SHISAL1: variants seen among roughly 807,000 people sequenced by gnomAD.
SHISAL1 encodes the protein protein shisa-like-1.
Under a neutral mutation model 22.6 loss-of-function variants are expected in SHISAL1, and 9 were observed. The ratio of observed to expected loss-of-function variants is 0.40; its 90% CI spans 0.24 to 0.70. The LOEUF (loss-of-function observed/expected upper bound fraction) is 0.70. Among genes scored for constraint, SHISAL1 ranks in the 30% least tolerant of loss-of-function variants. SHISAL1 has a pLI of 0.39. For synonymous variants in SHISAL1, 119 were observed against 115.4 expected, an observed-to-expected ratio of 1.03 and a Z score of -0.20; for missense variants, 246 against 270.6, an observed-to-expected ratio of 0.91 and a Z score of 0.64.
chr22:44,287,349 C>T lies in SHISAL1; in HGVS notation c.282-1604G>A, dbSNP rs546968865. On this transcript the variant is annotated intron_variant, in intron 3 of 4. Transcript: ENST00000381176. ...AGGGCCGGGGAAGCTCGCTTTCGCTCTCTGCCTAGAATGCCTTCCCTCCTC... is the reference window on the plus strand; with the variant it reads ...AGGGCCGGGGAAGCTCGCTTTCGCTTTCTGCCTAGAATGCCTTCCCTCCTC... Among the ~76,000 whole-genome samples the T allele has an allele frequency of 1.5e-4, 23 of 152,348 alleles. No individual in the cohort carries two copies. In the South Asian group the frequency reaches 4.8e-3, roughly 32 times the overall value.
chr22:44,325,388 G>A, the SHISAL1 span, among the ~76,000 whole-genome samples: 1 of 152,136 alleles, frequency 6.6e-6, no homozygotes, highest in South Asian at 2.1e-4. Flanking sequence ...CGCAGAGACC[G>A]AGGCTCAGAG....
At chr22:44,301,048 G>A (rs923630293) in intron 1 of SHISAL1, 71 bp from the exon 2 acceptor site, 5 of 1,089,442 alleles carry the variant, frequency 4.6e-6, no homozygotes, top group Admixed American at 1.9e-5. Context: ...TGCCCACAGC[G>A]GGGGACGGGC....
At chr22:44,278,944 G>A (rs768643506) in intron 4 of SHISAL1, among the ~76,000 whole-genome samples, 51 of 152,120 alleles carry the variant, frequency 3.4e-4, no homozygotes, top group Admixed American at 9.2e-4. Flanking sequence ...GTGTACCCTC[G>A]GGACCTCTCA....
chr22:44,325,938 C>G, the SHISAL1 span, among the ~76,000 whole-genome samples: 4 of 152,038 alleles, frequency 2.6e-5, no homozygotes, highest in Admixed American at 2.6e-4. Flanking sequence ...CCAGGAAGCC[C>G]TCCCTGACCC....
rs139031756 is a variant in SHISAL1 at position 44,253,077 on chromosome 22, T to C, written c.*-3392A>G. On this transcript the variant is annotated intron_variant, in intron 4 of 4. Coordinates refer to ENST00000381176, the MANE Select transcript of SHISAL1 (RefSeq NM_001099294.2). ...AGGGATGATGGTGATGGTTGCACTA[T>C]AGTGAGAAGTACTTAATACCCCTGA... Among the ~76,000 whole-genome samples, 1,500 of 152,096 alleles carry C rather than the reference T, an allele frequency of 9.9e-3. 23 individuals carry two copies. The highest frequency in any genetic ancestry group is 0.034 in the African/African-American group (1,408 of 41,416).
chr22:44,255,189 TA>T (rs2055076111), intron 4 of SHISAL1, among the ~76,000 whole-genome samples: 1 of 152,068 alleles, frequency 6.6e-6, no homozygotes, highest in Non-Finnish European at 1.5e-5. Flanking sequence ...GATATATATA[TA>T]TTTTTTTTGA....
At chr22:44,330,347 T>G in the SHISAL1 span, among the ~76,000 whole-genome samples, 4 of 152,048 alleles carry the variant, frequency 2.6e-5, no homozygotes, top group Admixed American at 1.3e-4. Flanking sequence ...CCCCAGAGAG[T>G]CCCTGTGTGG....
intron 4 of SHISAL1, among the ~76,000 whole-genome samples, chr22:44,276,046 A>G (rs1423934954): frequency 1.3e-5 from 2 of 152,224 alleles, no homozygotes; most frequent in Non-Finnish European, 2.9e-5. Context: ...CGCGTTTTCC[A>G]TCCAGTGGAG....
upstream of SHISAL1, among the ~76,000 whole-genome samples, chr22:44,317,431 G>C (rs367630854): frequency 1.3e-5 from 2 of 152,302 alleles, no homozygotes; most frequent in Admixed American, 6.5e-5. Context: ...AGTGGCTCTC[G>C]GCTGCCTTCT....
chr22:44,312,240 G>A (rs1444407632), intron 1 of SHISAL1, among the ~76,000 whole-genome samples: 11 of 152,068 alleles, frequency 7.2e-5, no homozygotes, highest in Non-Finnish European at 1.5e-4. Flanking sequence ...CACTTATTTC[G>A]TACCGGTGTG....
chr22:44,290,180 C>T (rs2055343225), intron 3 of SHISAL1, among the ~76,000 whole-genome samples: 1 of 152,354 alleles, frequency 6.6e-6, no homozygotes, highest in Admixed American at 6.5e-5. Context: ...CAGAACGAAA[C>T]ATCAGCTCAG....
intron 2 of SHISAL1, among the ~76,000 whole-genome samples, chr22:44,297,431 G>C (rs1443948905): frequency 6.6e-6 from 1 of 152,234 alleles, no homozygotes; most frequent in Admixed American, 6.5e-5. Context: ...GCCCAGGCTG[G>C]CCCGGGTGGT....
chr22:44,328,465 C>G, the SHISAL1 span, among the ~76,000 whole-genome samples: 1 of 152,140 alleles, frequency 6.6e-6, no homozygotes, highest in African/African-American at 2.4e-5. Flanking sequence ...AACCCTAGTG[C>G]TGTGGAGGGT....
the SHISAL1 span, among the ~76,000 whole-genome samples, chr22:44,319,577 C>T: frequency 6.6e-6 from 1 of 152,252 alleles, no homozygotes; most frequent in African/African-American, 2.4e-5. Flanking sequence ...TGTCCCCACA[C>T]TCACGATGTC....
At chr22:44,274,070 A>T (rs1160329422) in intron 4 of SHISAL1, among the ~76,000 whole-genome samples, 1 of 69,536 alleles carries the variant, frequency 1.4e-5, no homozygotes, top group African/African-American at 5.4e-5. Flanking sequence ...CCCCCCACCC[A>T]CCCTGTCTCC....
At chr22:44,301,704 A>T (rs200707746) in intron 1 of SHISAL1, among the ~76,000 whole-genome samples, 2 of 152,142 alleles carry the variant, frequency 1.3e-5, no homozygotes, top group Non-Finnish European at 2.9e-5. Flanking sequence ...CCCGTCACAC[A>T]ATGCACATTA....
At chr22:44,270,754 C>A (rs1488846286) in intron 4 of SHISAL1, among the ~76,000 whole-genome samples, 1 of 152,176 alleles carries the variant, frequency 6.6e-6, no homozygotes, top group Admixed American at 6.5e-5. Flanking sequence ...TGCAGCTGTG[C>A]TTCCCTGGCT....
intron 2 of SHISAL1, among the ~76,000 whole-genome samples, chr22:44,299,845 CAGAG>C (rs2055413738): frequency 6.6e-6 from 1 of 150,462 alleles, no homozygotes; most frequent in African/African-American, 2.4e-5. Flanking sequence ...GAGAGATAGA[CAGAG>C]ACAGAGAGAC....
chr22:44,254,515 C>T (rs79011791), intron 4 of SHISAL1, among the ~76,000 whole-genome samples: 13,241 of 152,104 alleles, frequency 0.087, 927 homozygotes, highest in Admixed American at 0.18. Flanking sequence ...TGTGCACCAC[C>T]ACACCTAGCT....
Sources: gnomAD v4.1 joint callset for allele counts (sites outside exome capture counted in the v4.1 genomes callset) on GRCh38, gnomAD v4.1.1 for gene constraint, MANE v1.5 for transcripts, NCBI Gene and HGNC (gene_info 2026-07-23, HGNC 2026-07-21) for gene names.